Variants in LRRK2 observed in about 807,000 individuals in gnomAD.
LRRK2 encodes leucine-rich repeat serine/threonine-protein kinase 2.
In LRRK2, 203 loss-of-function variants were observed where a neutral mutation model predicts 302.6. That is an observed-to-expected ratio of 0.67 (90% CI 0.60 to 0.75). The LOEUF is 0.75. Ranked by LOEUF, LRRK2 falls within the 30% of genes least tolerant of loss-of-function variation. The pLI, the probability that LRRK2 is intolerant of heterozygous loss-of-function variation, is 0.00. For synonymous variants in LRRK2, 1,066 were observed against 1,031.9 expected, an observed-to-expected ratio of 1.03 and a Z score of -0.63; for missense variants, 2,830 against 2,951.0, an observed-to-expected ratio of 0.96 and a Z score of 0.95.
chr12:40,302,967 G>T, intron 26 of LRRK2, 85 bp downstream of exon 26: 1 of 948,846 alleles, frequency 1.1e-6, no homozygotes, highest in Non-Finnish European at 1.7e-6. Context: ...GTCATATAGA[G>T]GTAATTGATT....
At chr12:40,367,262 ATATT>A (rs1199773750) in intron 50 of LRRK2, 185 bp downstream of exon 50, 1 of 554,654 alleles carries the variant, frequency 1.8e-6, no homozygotes, top group Non-Finnish European at 3.2e-6. Flanking sequence ...GAAGTGTTAA[ATATT>A]TATATTTTCA....
chr12:40,263,917 G>A lies in LRRK2; in HGVS notation c.1656+16G>A. ...TTTGAACAGGGTATGTTGAATATAA[G>A]TTTTCTGTATTTATACTATTAACTA... On this transcript the variant is annotated intron_variant, in intron 14 of 50. Transcript: ENST00000298910. 1.3e-6 allele frequency: 2 copies of A among 1,550,222 alleles called. No homozygotes were observed. Among genetic ancestry groups the A allele is most frequent in the Non-Finnish European group, 1.8e-6 (2 of 1,122,822 alleles).
In LRRK2 at chr12:40,351,720, G is replaced by T; in HGVS notation, c.6563G>T (p.Gly2188Val). Residue 2188 changes from glycine (G) to valine (V), a missense_variant, in exon 44 of 51, where the codon GGA becomes GTA. Coordinates refer to ENST00000298910, the MANE Select transcript of LRRK2 (RefSeq NM_198578.4). Reference protein sequence around the residue: ...QLSFLDLNTEGYTSEEVADSR... With the variant: ...QLSFLDLNTEVYTSEEVADSR... ...TCATTTCTTGACTTAAATACTGAAG[G>T]ATACACTTCTGAGGTAAATCCAAAT... 2 of 1,614,026 alleles carry T rather than the reference G, an allele frequency of 1.2e-6. No individual in the cohort carries two copies. The highest frequency in any genetic ancestry group is 1.7e-6 in the Non-Finnish European group (2 of 1,179,986).
At chr12:40,227,835 A>G (rs979615272) in intron 2 of LRRK2, 9 of 152,340 alleles carry the variant, frequency 5.9e-5, no homozygotes, top group African/African-American at 1.7e-4. Context: ...AGCTAGGACT[A>G]TAAGCATGTG....
chr12:40,334,159 G>A (rs894489414), intron 39 of LRRK2, among the ~76,000 whole-genome samples: 2 of 152,198 alleles, frequency 1.3e-5, no homozygotes, highest in Non-Finnish European at 2.9e-5. Flanking sequence ...CAGCTGATTA[G>A]TAGTGGCTAT....
chr12:40,225,741 A>G (rs1940840540), intron 2 of LRRK2, 101 bp downstream of exon 2: 1 of 1,026,984 alleles, frequency 9.7e-7, no homozygotes, highest in Admixed American at 2.0e-5. Context: ...GTTATTCCCA[A>G]AATTTGGCTT....
At chr12:40,318,928 C>G (rs1032884700) in intron 33 of LRRK2, among the ~76,000 whole-genome samples, 1 of 151,986 alleles carries the variant, frequency 6.6e-6, no homozygotes, top group African/African-American at 2.4e-5. Context: ...TTCAATCAAC[C>G]ATGCATTCAT....
rs144020489 is a variant in LRRK2 at position 40,283,355 on chromosome 12, A to G, written c.2242-520A>G. Among the ~76,000 whole-genome samples the G allele has an allele frequency of 1.1e-4, 16 of 152,340 alleles. No individual in the cohort carries two copies. The East Asian group carries it at 3.1e-3, about 29-fold the overall frequency. ...AAGGTATATCTTTGAGGAAATTCAGATGCTTGTCTTGAGGAGCTCAGGAAA... is the reference window on the plus strand; with the variant it reads ...AAGGTATATCTTTGAGGAAATTCAGGTGCTTGTCTTGAGGAGCTCAGGAAA... On this transcript the variant is annotated intron_variant, in intron 18 of 50. Transcript: ENST00000298910.
intron 5 of LRRK2, among the ~76,000 whole-genome samples, chr12:40,239,162 C>T (rs1177927618): frequency 6.6e-6 from 1 of 152,074 alleles, no homozygotes; most frequent in Non-Finnish European, 1.5e-5. Flanking sequence ...ATGGGTTTTC[C>T]TGGATGAGAC....
At position 40,353,720 on chromosome 12, in the gene LRRK2, G is replaced by A. The variant is rs17520529; in HGVS notation, c.6577-579G>A. 3.8e-3 allele frequency among the ~76,000 whole-genome samples: 584 copies of A among 152,340 alleles called. 5 individuals are homozygous for A. The highest frequency in any genetic ancestry group is 0.013 in the African/African-American group (531 of 41,600). On this transcript the variant is annotated intron_variant, in intron 44 of 50. Transcript: ENST00000298910. ...TTGAGCACTGAGTGAACGAGACTCC[G>A]TCTGCAATCCCGGCACCTCGGGAGG...
intron 24 of LRRK2, among the ~76,000 whole-genome samples, chr12:40,298,809 T>TATA: frequency 1.3e-5 from 1 of 76,514 alleles, no homozygotes; most frequent in East Asian, 3.2e-4. Context: ...AATATATGTA[T>TATA]TATAATATAT....
intron 47 of LRRK2, 61 bp from the exon 48 acceptor site, chr12:40,363,341 C>A: frequency 1.3e-6 from 2 of 1,523,494 alleles, no homozygotes; most frequent in Non-Finnish European, 1.8e-6. Context: ...GGTTGTATTA[C>A]ACGTAGAAAT....
At chr12:40,252,493 A>G (rs1466688735) in intron 10 of LRRK2, among the ~76,000 whole-genome samples, 1 of 152,134 alleles carries the variant, frequency 6.6e-6, no homozygotes, top group East Asian at 1.9e-4. Context: ...CCTATTTTTC[A>G]ATATCCATAA....
Position 40,251,461 on chromosome 12 carries a change from C to G in LRRK2, c.1102-4C>G. The G allele has an allele frequency of 6.2e-7, 1 of 1,611,488 alleles. No individual in the cohort carries two copies. The highest frequency in any genetic ancestry group is 2.2e-5 in the East Asian group (1 of 44,690). ...ACAGATTTCTTTTTTCTCCCCTAAT[C>G]CAGGAGGCCGCATGCTGGGCACTAA... On this transcript the variant is annotated splice_polypyrimidine_tract_variant and splice_region_variant and intron_variant, in intron 9 of 50. Coordinates refer to ENST00000298910, the MANE Select transcript of LRRK2 (RefSeq NM_198578.4).
chr12:40,361,197 C>T (rs2137035774), intron 47 of LRRK2, among the ~76,000 whole-genome samples: 1 of 151,108 alleles, frequency 6.6e-6, no homozygotes, highest in East Asian at 2.0e-4. Context: ...CTGCGGAGTG[C>T]AGTGTATTAT....
chr12:40,345,547 C>T (rs1373366268), intron 41 of LRRK2, among the ~76,000 whole-genome samples: 2 of 134,730 alleles, frequency 1.5e-5, no homozygotes, highest in African/African-American at 5.5e-5. Context: ...CGCTTGAACC[C>T]AGGAGGCAGA....
rs1401048721 is a variant in LRRK2, at chr12:40,298,420, T to C, written c.3274T>C (p.Tyr1092His). The change falls in exon 24 of 51, where the codon TAT becomes CAT. Residue 1092 changes from tyrosine (Y) to histidine (H), a missense_variant. Around this residue, in one of 3 missense-constraint regions of LRRK2, gnomAD observed 2,121 missense variants for 2,148.0 expected, o/e 0.99. Coordinates refer to ENST00000298910, the MANE Select transcript of LRRK2 (RefSeq NM_198578.4). ...AACTCTGAAACAGTTTAACCTGTCA[T>C]ATAACCAGCTGTCTTTTGTACCTGA... ...CPTLKQFNLS[Y>H]NQLSFVPENL... is the part of the protein sequence containing the mutation. 6.2e-7 allele frequency: 1 copy of C among 1,613,940 alleles called. No individual in the cohort carries two copies. The highest frequency in any genetic ancestry group is 1.3e-5 in the African/African-American group (1 of 74,998).
At position 40,322,539 on chromosome 12, in the gene LRRK2, T is replaced by C. The variant is rs746632789; in HGVS notation, c.5509+29T>C. Reference sequence around the variant, plus strand: ...TGTTTTGATACAACTTACAAATGCTTTTAAGTGATCCTTCAATACTTATGA... The same window carrying C: ...TGTTTTGATACAACTTACAAATGCTCTTAAGTGATCCTTCAATACTTATGA... On this transcript the variant is annotated intron_variant, in intron 37 of 50. Coordinates refer to ENST00000298910, the MANE Select transcript of LRRK2 (RefSeq NM_198578.4). 3 of 1,583,446 alleles carry C rather than the reference T, an allele frequency of 1.9e-6. No homozygotes were observed. In the East Asian group the frequency reaches 6.7e-5, roughly 35 times the overall value.
chr12:40,272,199 G>C (rs1296097444), intron 14 of LRRK2, among the ~76,000 whole-genome samples: 13 of 152,186 alleles, frequency 8.5e-5, no homozygotes, highest in African/African-American at 2.7e-4. Flanking sequence ...CACCTGTGAA[G>C]CTGGCCTTGC....
Sources: allele counts gnomAD v4.1 joint callset (sites outside exome capture counted in the v4.1 genomes callset), GRCh38; gene constraint gnomAD v4.1.1; regional missense constraint gnomAD v4.1.1; transcripts MANE v1.5; gene names NCBI Gene and HGNC (gene_info 2026-07-23, HGNC 2026-07-21).